Variants in TRHDE observed in about 807,000 individuals in gnomAD.
The protein encoded by TRHDE is thyrotropin-releasing hormone-degrading ectoenzyme.
A neutral mutation model predicts 125.7 loss-of-function variants in TRHDE; 72 were observed. That is an observed-to-expected ratio of 0.57 (90% CI 0.47 to 0.70). The LOEUF (loss-of-function observed/expected upper bound fraction) is 0.70. Among genes scored for constraint, TRHDE ranks in the 30% least tolerant of loss-of-function variants. TRHDE has a pLI of 0.00. For synonymous variants in TRHDE, 509 were observed against 509.1 expected (o/e 1.00, Z 0.00); for missense variants, 1,110 against 1,327.1 (o/e 0.84, Z 2.54).
chr12:72,455,240 A>G (rs748639679), intron 3 of TRHDE, among the ~76,000 whole-genome samples: 9 of 152,142 alleles, frequency 5.9e-5, no homozygotes, highest in Non-Finnish European at 1.2e-4. Context: ...AAAATTTGTA[A>G]AAACTTTCTC....
rs115620972 is a variant in TRHDE at position 72,440,788 on chromosome 12, G to A, written c.1316-28970G>A. Among the ~76,000 whole-genome samples the A allele has an allele frequency of 5.3e-3, 808 of 151,888 alleles. 3 individuals are homozygous for A. The highest frequency in any genetic ancestry group is 0.018 in the African/African-American group (744 of 41,474). ...TATGCTTGGAACATCAGAGTAGATCGCACCCAACACAGGGTCTGTCACAGG... is the reference window on the plus strand; with the variant it reads ...TATGCTTGGAACATCAGAGTAGATCACACCCAACACAGGGTCTGTCACAGG... On this transcript the variant is annotated intron_variant, in intron 3 of 18. Coordinates refer to ENST00000261180, the MANE Select transcript of TRHDE (RefSeq NM_013381.3).
At chr12:72,503,276 T>C (rs1015049493) in intron 6 of TRHDE, among the ~76,000 whole-genome samples, 1 of 152,194 alleles carries the variant, frequency 6.6e-6, no homozygotes, top group East Asian at 1.9e-4. Flanking sequence ...TAAAGGTAAG[T>C]ATGTTGAGTT....
In TRHDE at chr12:72,536,365, G is replaced by T. The variant is rs183923728; in HGVS notation, c.1723-5926G>T. Among the ~76,000 whole-genome samples the T allele has an allele frequency of 5.4e-3, 820 of 152,248 alleles. 7 individuals are homozygous for T. The highest frequency in any genetic ancestry group is 0.012 in the Admixed American group (178 of 15,262). Reference sequence around the variant, plus strand: ...TTAAAGGAGCCAGAGAAGGTAGGGGGACCTGCCTTCAGACCACATTACAAT... The same window carrying T: ...TTAAAGGAGCCAGAGAAGGTAGGGGTACCTGCCTTCAGACCACATTACAAT... On this transcript the variant is annotated intron_variant, in intron 6 of 18. Coordinates refer to ENST00000261180, the MANE Select transcript of TRHDE (RefSeq NM_013381.3).
At chr12:72,383,927 G>C (rs1433467683) in intron 3 of TRHDE, among the ~76,000 whole-genome samples, 1 of 151,988 alleles carries the variant, frequency 6.6e-6, no homozygotes, top group African/African-American at 2.4e-5. Context: ...TCGATGATTT[G>C]ATTGTCAGAG....
chr12:72,415,456 C>T (rs1271440756), intron 3 of TRHDE, among the ~76,000 whole-genome samples: 1 of 151,868 alleles, frequency 6.6e-6, no homozygotes, highest in Non-Finnish European at 1.5e-5. Context: ...TATTGTGCTA[C>T]CAAACACTAG....
intron 3 of TRHDE, among the ~76,000 whole-genome samples, chr12:72,452,423 AT>A (rs1010511361): frequency 6.6e-6 from 1 of 152,004 alleles, no homozygotes; most frequent in African/African-American, 2.4e-5. Context: ...CATTTGGATG[AT>A]TTTTATTTCT....
In TRHDE at chr12:72,171,535, G is replaced by T. The variant is rs118164918; in HGVS notation, n.279+65783G>T. The stretch of plus-strand genomic sequence containing the variant: ...GGGAGATTGGTGGACAAAAGGAGAG[G>T]AGTATAGCCTGGTATGAAAGATTGT... On this transcript the variant is annotated intron_variant and non_coding_transcript_variant, in intron 2 of 4. Coordinates refer to the TRHDE transcript ENST00000548156. 3.8e-3 allele frequency among the ~76,000 whole-genome samples: 584 copies of T among 152,330 alleles called. 2 individuals are homozygous for T. Among genetic ancestry groups the T allele is most frequent in the Non-Finnish European group, 6.4e-3 (436 of 68,028 alleles).
At chr12:72,479,638 TTTTTTTTTG>T (rs1877065703) in intron 5 of TRHDE, among the ~76,000 whole-genome samples, 1 of 67,458 alleles carries the variant, frequency 1.5e-5, no homozygotes, top group South Asian at 4.7e-4. Context: ...TTTTAAAGGA[TTTTTTTTTG>T]TTTTTTTTTA....
chr12:72,137,405 G>A (rs1876009547), intron 2 of TRHDE: 4 of 152,066 alleles, frequency 2.6e-5, no homozygotes, highest in Admixed American at 2.6e-4. Context: ...TTCTTTTTAG[G>A]GATCCTTGTA....
At chr12:72,202,443 T>G (rs1638779565) in intron 2 of TRHDE, among the ~76,000 whole-genome samples, 1 of 152,230 alleles carries the variant, frequency 6.6e-6, no homozygotes, top group African/African-American at 2.4e-5. Flanking sequence ...TTTATAAGAG[T>G]AATTAATATA....
intron 2 of TRHDE, among the ~76,000 whole-genome samples, chr12:72,375,387 T>G (rs1871830672): frequency 6.6e-6 from 1 of 152,192 alleles, no homozygotes; most frequent in East Asian, 1.9e-4. Context: ...ATGTTTTATC[T>G]TCTTGCTTAA....
At chr12:72,409,392 C>T (rs1247894218) in intron 3 of TRHDE, among the ~76,000 whole-genome samples, 1 of 152,114 alleles carries the variant, frequency 6.6e-6, no homozygotes, top group African/African-American at 2.4e-5. Flanking sequence ...TGGAGCAGAT[C>T]CTATTAATCT....
chr12:72,370,659 T>C (rs1871536634), intron 2 of TRHDE, among the ~76,000 whole-genome samples: 1 of 152,174 alleles, frequency 6.6e-6, no homozygotes, highest in Admixed American at 6.5e-5. Flanking sequence ...GTTGTGATTT[T>C]TCTGAAATGT....
chr12:72,592,391 C>T (rs1361868814), intron 12 of TRHDE, among the ~76,000 whole-genome samples: 2 of 134,782 alleles, frequency 1.5e-5, no homozygotes, highest in Admixed American at 6.9e-5. Context: ...TCTTTGAGGA[C>T]AGTTATAAAG....
rs1325961676 is a variant in TRHDE, at chr12:72,668,252, A to G, written c.*5057A>G. The G allele has an allele frequency of 6.6e-6, 1 of 151,740 alleles. No individual in the cohort carries two copies. Among genetic ancestry groups the G allele is most frequent in the Non-Finnish European group, 1.5e-5 (1 of 67,758 alleles). 9.4% of individuals were successfully genotyped at this position (151,740 alleles called of 1,614,324 possible). Reference sequence around the variant, plus strand: ...TTTTTATTTTGTGAAATTTTATTTTAAAGTTTAGGTAAGGAAAGTTTTTAA... The same window carrying G: ...TTTTTATTTTGTGAAATTTTATTTTGAAGTTTAGGTAAGGAAAGTTTTTAA... On this transcript the variant is annotated 3_prime_UTR_variant, in exon 19 of 19. Coordinates refer to ENST00000261180, the MANE Select transcript of TRHDE (RefSeq NM_013381.3).
At chr12:72,127,135 C>T (rs1265343001) in intron 2 of TRHDE, among the ~76,000 whole-genome samples, 1 of 152,064 alleles carries the variant, frequency 6.6e-6, no homozygotes, top group East Asian at 1.9e-4. Context: ...CAAATCAAAA[C>T]CACAATGAGA....
chr12:72,524,739 T>C (rs576131383), intron 6 of TRHDE, among the ~76,000 whole-genome samples: 1 of 152,256 alleles, frequency 6.6e-6, no homozygotes, highest in African/African-American at 2.4e-5. Context: ...TGAGAAAGTA[T>C]ACTATGCTTT....
At chr12:72,157,062 G>A (rs946466543) in intron 2 of TRHDE, among the ~76,000 whole-genome samples, 22 of 152,046 alleles carry the variant, frequency 1.4e-4, no homozygotes, top group African/African-American at 5.3e-4. Flanking sequence ...AATATCTGGG[G>A]GATGATTGTT....
chr12:72,460,032 A>T (rs1876051977), intron 3 of TRHDE, among the ~76,000 whole-genome samples: 1 of 152,108 alleles, frequency 6.6e-6, no homozygotes, highest in Non-Finnish European at 1.5e-5. Flanking sequence ...AATATACCTG[A>T]CCCTAGGGAA....
Sources: gnomAD v4.1 joint callset for allele counts (sites outside exome capture counted in the v4.1 genomes callset) on GRCh38, gnomAD v4.1.1 for gene constraint, MANE v1.5 for transcripts, NCBI Gene and HGNC (gene_info 2026-07-23, HGNC 2026-07-21) for gene names.